The following SLC10A7 variants were observed in gnomAD, a reference collection of about 807,000 sequenced individuals.
The protein encoded by SLC10A7 is sodium/bile acid cotransporter 7.
Under a neutral mutation model 43.2 loss-of-function variants are expected in SLC10A7, and 29 were observed. The ratio of observed to expected loss-of-function variants is 0.67; its 90% CI spans 0.50 to 0.92. SLC10A7 has a LOEUF of 0.92. Ranked by LOEUF, SLC10A7 falls within the 40% of genes least tolerant of loss-of-function variation. The pLI is 0.00. For synonymous variants in SLC10A7, 152 were observed against 144.8 expected (o/e 1.05, Z -0.35); for missense variants, 295 against 403.2 (o/e 0.73, Z 2.30).
chr4:146,484,169 T>G (rs896099053), intron 4 of SLC10A7, among the ~76,000 whole-genome samples: 1 of 152,114 alleles, frequency 6.6e-6, no homozygotes, highest in Non-Finnish European at 1.5e-5. Context: ...TTGGGCAACA[T>G]AGTGATACCT....
chr4:146,407,531 C>A (rs927395618), intron 5 of SLC10A7, among the ~76,000 whole-genome samples: 1 of 152,172 alleles, frequency 6.6e-6, no homozygotes, highest in Admixed American at 6.5e-5. Context: ...ACAACCATTT[C>A]CCCCACATTC....
intron 4 of SLC10A7, among the ~76,000 whole-genome samples, chr4:146,489,225 G>A (rs957032184): frequency 3.9e-5 from 6 of 152,146 alleles, no homozygotes; most frequent in African/African-American, 1.4e-4. Context: ...TTTCCACCTA[G>A]GTAGTTCAGG....
chr4:146,404,515 T>TGTGA (rs1491415094), intron 5 of SLC10A7, among the ~76,000 whole-genome samples: 4 of 145,488 alleles, frequency 2.7e-5, no homozygotes, highest in African/African-American at 1.0e-4. Flanking sequence ...TGTGTGTGTG[T>TGTGA]GACTGGTTTA....
chr4:146,446,492 C>A (rs563571153), intron 4 of SLC10A7, among the ~76,000 whole-genome samples: 1 of 151,548 alleles, frequency 6.6e-6, no homozygotes, highest in East Asian at 1.9e-4. Context: ...AGGAGAATTG[C>A]TTGAACCTAG....
intron 9 of SLC10A7, among the ~76,000 whole-genome samples, chr4:146,286,082 C>CTGTG (rs561733911): frequency 1.5e-5 from 1 of 65,374 alleles, no homozygotes; most frequent in Non-Finnish European, 2.8e-5. Flanking sequence ...GTGAGAAGGA[C>CTGTG]TCTGGAGTGG....
chr4:146,332,874 T>C (rs59524631), intron 5 of SLC10A7, among the ~76,000 whole-genome samples: 10,566 of 152,264 alleles, frequency 0.069, 478 homozygotes, highest in South Asian at 0.19. Flanking sequence ...GTGCTGATGA[T>C]ATTTCTGGAT....
rs1728047369 is a variant in SLC10A7, at chr4:146,258,927, A to G, written c.848-90T>C. ...TCCATCAAAATCAGAACTTTGGAAT[A>G]GGTTATTACCATATTTTCTCATGTT... is the stretch of plus-strand genomic sequence containing the variant. On this transcript the variant is annotated intron_variant, in intron 10 of 11. Coordinates refer to ENST00000335472, the MANE Select transcript of SLC10A7 (RefSeq NM_001029998.6). 2.9e-6 allele frequency: 4 copies of G among 1,370,812 alleles called. No homozygotes were observed. In the African/African-American group the frequency reaches 6.0e-5, roughly 20 times the overall value. The allele number at this position is 1,370,812 out of a possible 1,614,324, so 84.9% of individuals were successfully genotyped here. A position where few individuals can be genotyped will look rare whatever the true frequency, so the allele number is the denominator to read the frequency against.
At chr4:146,277,856 A>C (rs184179639) in intron 10 of SLC10A7, among the ~76,000 whole-genome samples, 1 of 152,234 alleles carries the variant, frequency 6.6e-6, no homozygotes, top group Admixed American at 6.5e-5. Flanking sequence ...TTTTATTAAT[A>C]ATAAAGAAAA....
intron 5 of SLC10A7, among the ~76,000 whole-genome samples, chr4:146,376,873 G>A (rs1737239311): frequency 6.6e-6 from 1 of 152,110 alleles, no homozygotes; most frequent in Non-Finnish European, 1.5e-5. Context: ...CTCACAATCT[G>A]TATTTGTCTC....
At chr4:146,288,969 A>G (rs1730221904) in intron 9 of SLC10A7, among the ~76,000 whole-genome samples, 1 of 152,154 alleles carries the variant, frequency 6.6e-6, no homozygotes, top group East Asian at 1.9e-4. Flanking sequence ...CACAGAGGAA[A>G]ACATGTCAGG....
intron 4 of SLC10A7, among the ~76,000 whole-genome samples, chr4:146,462,250 C>T (rs776052055): frequency 2.6e-5 from 4 of 151,814 alleles, no homozygotes; most frequent in Non-Finnish European, 5.9e-5. Flanking sequence ...AAGAATATAG[C>T]AATTCTTTTT....
intron 4 of SLC10A7, among the ~76,000 whole-genome samples, chr4:146,500,747 C>T (rs796232443): frequency 4.6e-5 from 7 of 152,232 alleles, no homozygotes; most frequent in African/African-American, 1.7e-4. Context: ...TCACAGAGAA[C>T]CTCAAAACAG....
chr4:146,368,794 T>TTTAC (rs1208643621), intron 5 of SLC10A7, among the ~76,000 whole-genome samples: 8 of 152,136 alleles, frequency 5.3e-5, no homozygotes, highest in African/African-American at 1.9e-4. Context: ...GGGAAAAAAA[T>TTTAC]GATAATTCGT....
chr4:146,290,159 C>T (rs890377749), intron 9 of SLC10A7, among the ~76,000 whole-genome samples: 25 of 150,660 alleles, frequency 1.7e-4, no homozygotes, highest in African/African-American at 5.3e-4. Flanking sequence ...CCCATCTCTA[C>T]TAAAAATACA....
At chr4:146,265,940 A>G (rs1728523812) in intron 10 of SLC10A7, among the ~76,000 whole-genome samples, 1 of 152,188 alleles carries the variant, frequency 6.6e-6, no homozygotes, top group African/African-American at 2.4e-5. Context: ...GTGCCTTTTG[A>G]AGTCTAATAT....
chr4:146,376,939 AG>A (rs1357806914), intron 5 of SLC10A7, among the ~76,000 whole-genome samples: 1 of 152,062 alleles, frequency 6.6e-6, no homozygotes, highest in African/African-American at 2.4e-5. Context: ...GAACAAAGGA[AG>A]GAGGAAGTAA....
At chr4:146,358,900 C>T (rs1409638123) in intron 5 of SLC10A7, among the ~76,000 whole-genome samples, 1 of 152,124 alleles carries the variant, frequency 6.6e-6, no homozygotes, top group Non-Finnish European at 1.5e-5. Context: ...GAGAGTAGAA[C>T]TCCTAAGTGA....
intron 5 of SLC10A7, among the ~76,000 whole-genome samples, chr4:146,358,730 T>C (rs1242840664): frequency 2.0e-5 from 3 of 152,326 alleles, no homozygotes; most frequent in Middle Eastern, 3.4e-3. Flanking sequence ...TATTTTGTTG[T>C]AATGTATGAA....
intron 4 of SLC10A7, among the ~76,000 whole-genome samples, chr4:146,454,815 C>T (rs1295327652): frequency 6.6e-6 from 1 of 151,824 alleles, no homozygotes; most frequent in Non-Finnish European, 1.5e-5. Context: ...TATGCTAACA[C>T]TGAATATTCA....
Sources: allele counts gnomAD v4.1 joint callset (sites outside exome capture counted in the v4.1 genomes callset), GRCh38; gene constraint gnomAD v4.1.1; transcripts MANE v1.5; gene names NCBI Gene and HGNC (gene_info 2026-07-23, HGNC 2026-07-21).